Variants in CILK1 observed in about 807,000 individuals in gnomAD.
The protein encoded by CILK1 is ciliogenesis associated kinase 1.
A neutral mutation model predicts 79.2 loss-of-function variants in CILK1; 47 were observed. The observed-to-expected ratio is 0.59, with a 90% CI of 0.47 to 0.76. CILK1 has a LOEUF of 0.76. CILK1 is among the 30% of genes least tolerant of loss of function. CILK1 has a pLI of 0.00. For missense variants in CILK1, 660 were observed against 769.5 expected, an observed-to-expected ratio of 0.86 and a Z score of 1.68; for synonymous variants, 266 against 275.9, an observed-to-expected ratio of 0.96 and a Z score of 0.36.
rs910945270 is a variant in CILK1 at position 53,001,428 on chromosome 6, A to C, written c.*3721T>G. On this transcript the variant is annotated 3_prime_UTR_variant, in exon 14 of 14. Transcript: ENST00000676107. Reference sequence around the variant, plus strand: ...TTTTTATTTCAGAAGGGTCTTGCTTAAGTGGTTTTCTGAATTCTTCTCGTT... The same window carrying C: ...TTTTTATTTCAGAAGGGTCTTGCTTCAGTGGTTTTCTGAATTCTTCTCGTT... The C allele has an allele frequency of 6.6e-5, 10 of 152,358 alleles. No homozygotes were observed. The highest frequency in any genetic ancestry group is 1.3e-4 in the Non-Finnish European group (9 of 68,032). 9.4% of individuals were successfully genotyped at this position (152,358 alleles called of 1,614,324 possible).
At chr6:53,013,552 T>C in intron 9 of CILK1, 110 bp downstream of exon 9, 1 of 1,024,862 alleles carries the variant, frequency 9.8e-7, no homozygotes. Flanking sequence ...CAAACATAAA[T>C]CTACCATAAC....
chr6:53,019,558 A>T (rs572845217), intron 5 of CILK1, among the ~76,000 whole-genome samples, 199 bp from the exon 6 acceptor site: 1 of 152,348 alleles, frequency 6.6e-6, no homozygotes, highest in African/African-American at 2.4e-5. Flanking sequence ...TTCCCTTTGC[A>T]AATCATTCAA....
Position 53,028,820 on chromosome 6 carries a change from AGTGTGTGTGT to A in CILK1, c.358+2235_358+2244del, listed in dbSNP as rs140225032. On this transcript the variant is annotated intron_variant, in intron 5 of 13. Coordinates refer to ENST00000676107, the MANE Select transcript of CILK1 (RefSeq NM_014920.5). ...GATGCTAAATTATGTACTACAGATG[AGTGTGTGTGT>A]GTGTGTGTGTGTGTAAGATGAATGT... Among the ~76,000 whole-genome samples the A allele has an allele frequency of 1.7e-3, 257 of 148,842 alleles. 1 individual carries two copies. Among genetic ancestry groups the A allele is most frequent in the African/African-American group, 5.9e-3 (238 of 40,662 alleles).
chr6:53,037,913 T>C, intron 3 of CILK1, 26 bp downstream of exon 3: 1 of 1,314,750 alleles, frequency 7.6e-7, no homozygotes, highest in Middle Eastern at 1.8e-4. Context: ...CATCCATAAA[T>C]TATTCCTTGG....
intron 5 of CILK1, among the ~76,000 whole-genome samples, chr6:53,030,335 C>T (rs576230656): frequency 5.6e-4 from 85 of 152,244 alleles, no homozygotes; most frequent in African/African-American, 2.0e-3. Context: ...TGTTACATAC[C>T]GTCCTCTCTA....
At chr6:53,012,797 G>A (rs1295749398) in intron 9 of CILK1, among the ~76,000 whole-genome samples, 1 of 152,170 alleles carries the variant, frequency 6.6e-6, no homozygotes, top group Non-Finnish European at 1.5e-5. Flanking sequence ...GGAGCCAGCA[G>A]TCAGCAAATA....
chr6:53,041,078 G>C (rs1766674685), intron 2 of CILK1, 58 bp downstream of exon 2: 2 of 1,142,122 alleles, frequency 1.8e-6, no homozygotes, highest in African/African-American at 1.5e-5. Context: ...CTGTTACAAA[G>C]ACGGGTAATG....
At chr6:53,012,379 C>T in intron 9 of CILK1, 152 bp from the exon 10 acceptor site, 1 of 711,554 alleles carries the variant, frequency 1.4e-6, no homozygotes, top group Non-Finnish European at 2.5e-6. Context: ...AAAACACATT[C>T]CCAATCTTTC....
chr6:53,014,498 C>T (rs577599088), intron 8 of CILK1, among the ~76,000 whole-genome samples: 12 of 152,288 alleles, frequency 7.9e-5, no homozygotes, highest in South Asian at 4.1e-4. Context: ...AGAACAAAAC[C>T]GTGTCAGTTG....
At chr6:53,012,286 G>C in intron 9 of CILK1, 59 bp from the exon 10 acceptor site, 3 of 1,496,820 alleles carry the variant, frequency 2.0e-6, no homozygotes, top group Non-Finnish European at 2.8e-6. Flanking sequence ...ACTCATCCAT[G>C]AGTAATCTCC....
intron 1 of CILK1, among the ~76,000 whole-genome samples, chr6:53,060,422 AGTTT>A (rs1301216694): frequency 7.2e-5 from 11 of 152,188 alleles, no homozygotes; most frequent in Non-Finnish European, 1.6e-4. Context: ...CCTGGCCACC[AGTTT>A]TGACTTTGGA....
At chr6:53,028,479 T>C (rs1403873204) in intron 5 of CILK1, among the ~76,000 whole-genome samples, 2 of 152,234 alleles carry the variant, frequency 1.3e-5, no homozygotes, top group Non-Finnish European at 2.9e-5. Context: ...TCACAGGTGT[T>C]TGAACTTCTC....
chr6:53,037,807 T>C, intron 3 of CILK1, 132 bp downstream of exon 3: 1 of 643,374 alleles, frequency 1.6e-6, no homozygotes, highest in South Asian at 1.9e-5. Context: ...TCAGCTGTAA[T>C]GTTATCATTT....
At chr6:53,047,679 A>G (rs528129191) in intron 1 of CILK1, among the ~76,000 whole-genome samples, 6 of 152,060 alleles carry the variant, frequency 3.9e-5, no homozygotes, top group African/African-American at 1.2e-4. Context: ...AACAGCATGA[A>G]TAAAATCCCT....
rs1308965240 is a variant in CILK1, at chr6:53,007,079, T to C, written c.1622-642A>G. On this transcript the variant is annotated intron_variant, in intron 12 of 13. Coordinates refer to ENST00000676107, the MANE Select transcript of CILK1 (RefSeq NM_014920.5). ...AACAGAATGCCTTGCATATAGCAGATAATCAATTAATTTTGGATGGGTGAA... is the reference window on the plus strand; with the variant it reads ...AACAGAATGCCTTGCATATAGCAGACAATCAATTAATTTTGGATGGGTGAA... Among the ~76,000 whole-genome samples, 3 of 152,260 alleles carry C rather than the reference T, an allele frequency of 2.0e-5. 1 individual carries two copies. Among genetic ancestry groups the C allele is most frequent in the Admixed American group, 2.0e-4 (3 of 15,290 alleles).
At position 53,014,874 on chromosome 6, in the gene CILK1, A is replaced by C. The variant is rs182215258; in HGVS notation, c.832-892T>G. Among the ~76,000 whole-genome samples, 181 of 152,308 alleles carry C rather than the reference A, an allele frequency of 1.2e-3. 2 individuals are homozygous for C. Among genetic ancestry groups the C allele is most frequent in the Admixed American group, 6.5e-4 (10 of 15,304 alleles). ...TTCCTCTCTTGCTTCCTTGTTACAGAATCTTTTTCTTTCCATTTCTTACAT... is the reference window on the plus strand; with the variant it reads ...TTCCTCTCTTGCTTCCTTGTTACAGCATCTTTTTCTTTCCATTTCTTACAT... On this transcript the variant is annotated intron_variant, in intron 8 of 13. Transcript: ENST00000676107.
At chr6:53,027,093 T>G (rs1340928871) in intron 5 of CILK1, among the ~76,000 whole-genome samples, 1 of 152,230 alleles carries the variant, frequency 6.6e-6, no homozygotes, top group Non-Finnish European at 1.5e-5. Flanking sequence ...GTGGAAACTT[T>G]AATTTCCCAG....
At chr6:53,032,741 G>T in intron 3 of CILK1, 87 bp from the exon 4 acceptor site, 2 of 1,095,702 alleles carry the variant, frequency 1.8e-6, no homozygotes, top group East Asian at 2.6e-5. Flanking sequence ...TGTATACTTG[G>T]AAAGAAACAA....
intron 8 of CILK1, among the ~76,000 whole-genome samples, chr6:53,014,318 C>T (rs1764768508): frequency 6.6e-6 from 1 of 152,138 alleles, no homozygotes; most frequent in African/African-American, 2.4e-5. Flanking sequence ...CCTTCCAAGC[C>T]TATTTCCTCA....
Sources: allele counts gnomAD v4.1 joint callset (sites outside exome capture counted in the v4.1 genomes callset), GRCh38; gene constraint gnomAD v4.1.1; transcripts MANE v1.5; gene names NCBI Gene and HGNC (gene_info 2026-07-23, HGNC 2026-07-21).